EVI5: variants seen among roughly 807,000 people sequenced by gnomAD.
EVI5 encodes ecotropic viral integration site 5 protein homolog.
Under a neutral mutation model 112.0 loss-of-function variants are expected in EVI5, and 73 were observed. The observed-to-expected ratio is 0.65, with a 90% CI of 0.54 to 0.79. The LOEUF (loss-of-function observed/expected upper bound fraction) is 0.79. Ranked by LOEUF, EVI5 falls within the 30% of genes least tolerant of loss-of-function variation. The probability of loss-of-function intolerance (pLI) is 0.00; values close to 1 mark genes in which losing one functional copy is unlikely to be tolerated. For missense variants in EVI5, 900 were observed against 968.8 expected (o/e 0.93, Z 0.94); for synonymous variants, 305 against 319.9 (o/e 0.95, Z 0.50).
chr1:92,514,111 T>C (rs1659491497), intron 19 of EVI5, 141 bp from the exon 20 acceptor site: 1 of 456,022 alleles, frequency 2.2e-6, no homozygotes, highest in Non-Finnish European at 3.7e-6. Context: ...AATTTTTGAG[T>C]GCCTTCTATG....
chr1:92,695,311 T>G lies in EVI5; in HGVS notation c.908A>C (p.Glu303Ala), dbSNP rs1670134078. The G allele has an allele frequency of 6.2e-7, 1 of 1,606,944 alleles. No homozygotes were observed. Among genetic ancestry groups the G allele is most frequent in the Non-Finnish European group, 8.5e-7 (1 of 1,176,662 alleles). Residue 303 changes from glutamate to alanine, a missense_variant and splice_region_variant, in exon 7 of 20, where the codon GAG (glutamate) becomes GCG (alanine). Glu to Ala is a moderately radical substitution (Grantham distance 107). Coordinates refer to ENST00000684568, the MANE Select transcript of EVI5 (RefSeq NM_001350197.2). ...CTCTTTGTCTGCCCATTAGCTTACC[T>G]CAGACATAAAGATATCAAATATCCT... ...ATRIFDIFMS[E>A]GLEIVFRVGL...
intron 19 of EVI5, among the ~76,000 whole-genome samples, chr1:92,545,042 A>G (rs1665449554): frequency 1.3e-5 from 2 of 152,226 alleles, no homozygotes; most frequent in Non-Finnish European, 2.9e-5. Context: ...GATATGGTTC[A>G]TAAGAAGCAC....
At chr1:92,548,807 T>C (rs1485725934) in intron 19 of EVI5, among the ~76,000 whole-genome samples, 1 of 152,110 alleles carries the variant, frequency 6.6e-6, no homozygotes, top group East Asian at 1.9e-4. Context: ...AAGGACCTCT[T>C]CAAGGAGAAC....
chr1:92,695,408 G>C lies in EVI5; in HGVS notation c.811C>G (p.His271Asp). ...CAGGATGATGCATACATTGAGGTAT[G>C]AAAACTCTGAGATTGAAAATGTACA... ...LFVHFQSQSF[H>D]TSMYASSWFL... Residue 271 changes from histidine (H) to aspartate (D), a missense_variant, in exon 7 of 20, where the codon CAT becomes GAT. His to Asp is a moderately conservative substitution (Grantham distance 81). Transcript: ENST00000684568. The C allele has an allele frequency of 6.2e-7, 1 of 1,608,024 alleles. No individual in the cohort carries two copies. The highest frequency in any genetic ancestry group is 2.2e-5 in the East Asian group (1 of 44,822).
intron 3 of EVI5, 105 bp downstream of exon 3, chr1:92,704,450 T>C: frequency 1.6e-6 from 1 of 643,170 alleles, no homozygotes; most frequent in Non-Finnish European, 2.6e-6. Context: ...CTCTTTAATA[T>C]ATAGCTTGGA....
At chr1:92,547,199 C>T (rs1026025463) in intron 19 of EVI5, among the ~76,000 whole-genome samples, 2 of 152,156 alleles carry the variant, frequency 1.3e-5, no homozygotes. Flanking sequence ...GAAACTCACT[C>T]AAAACTGATC....
upstream of EVI5, among the ~76,000 whole-genome samples, chr1:92,786,251 A>G (rs1414600822): frequency 4.6e-5 from 7 of 152,092 alleles, 1 homozygote; most frequent in South Asian, 1.2e-3. Context: ...AAAAAAAAAA[A>G]AAACCTTACT....
At chr1:92,663,852 G>A (rs1055371019) in intron 11 of EVI5, among the ~76,000 whole-genome samples, 1 of 152,140 alleles carries the variant, frequency 6.6e-6, no homozygotes, top group African/African-American at 2.4e-5. Context: ...CAAGGAGTTG[G>A]TCCTTCTGCT....
intron 1 of EVI5, chr1:92,749,244 T>C (rs1679819443): frequency 5.7e-6 from 2 of 349,886 alleles, no homozygotes; most frequent in East Asian, 1.2e-4. Context: ...GCTTCCTGGG[T>C]GTTTTACCAC....
intron 1 of EVI5, among the ~76,000 whole-genome samples, chr1:92,777,784 T>G (rs146941662): frequency 6.6e-6 from 1 of 152,288 alleles, no homozygotes; most frequent in African/African-American, 2.4e-5. Flanking sequence ...AAGAAAGTTG[T>G]GTTATTGTTG....
intron 19 of EVI5, among the ~76,000 whole-genome samples, chr1:92,547,984 C>G (rs1239699412): frequency 6.8e-6 from 1 of 146,988 alleles, no homozygotes; most frequent in African/African-American, 2.5e-5. Flanking sequence ...GGAATCCTCC[C>G]TAACTCATTT....
chr1:92,520,142 C>T (rs1460906822), intron 19 of EVI5, among the ~76,000 whole-genome samples: 2 of 152,042 alleles, frequency 1.3e-5, no homozygotes, highest in East Asian at 3.9e-4. Context: ...ATGCAAAACC[C>T]ATTGAATTTT....
At chr1:92,748,033 G>C (rs1024071561) in intron 1 of EVI5, among the ~76,000 whole-genome samples, 1 of 151,952 alleles carries the variant, frequency 6.6e-6, no homozygotes, top group Non-Finnish European at 1.5e-5. Context: ...GAGGTACAAG[G>C]GTACTGTGAT....
intron 13 of EVI5, among the ~76,000 whole-genome samples, chr1:92,653,959 TG>T (rs1318781411): frequency 3.3e-5 from 5 of 152,026 alleles, no homozygotes; most frequent in African/African-American, 1.2e-4. Flanking sequence ...GCTATGGAAC[TG>T]GGGTGGCTCC....
At chr1:92,535,675 T>C (rs1222662473) in intron 19 of EVI5, among the ~76,000 whole-genome samples, 1 of 151,830 alleles carries the variant, frequency 6.6e-6, no homozygotes, top group Non-Finnish European at 1.5e-5. Context: ...AACCAAACAC[T>C]GCATGTTCTC....
intron 19 of EVI5, among the ~76,000 whole-genome samples, chr1:92,533,959 G>T (rs904958831): frequency 5.3e-5 from 8 of 152,138 alleles, no homozygotes; most frequent in Non-Finnish European, 1.2e-4. Context: ...GAAATAAAGG[G>T]TATTCAATTA....
At chr1:92,544,565 A>C (rs2100665639) in intron 19 of EVI5, among the ~76,000 whole-genome samples, 1 of 152,306 alleles carries the variant, frequency 6.6e-6, no homozygotes, top group South Asian at 2.1e-4. Flanking sequence ...TAAAATTTAA[A>C]ATGAAGTTGT....
intron 9 of EVI5, among the ~76,000 whole-genome samples, chr1:92,679,148 C>T (rs921458367): frequency 9.2e-5 from 14 of 152,150 alleles, no homozygotes; most frequent in Non-Finnish European, 2.9e-5. Context: ...GTGAATTGTG[C>T]ATGCTGGGGA....
intron 13 of EVI5, among the ~76,000 whole-genome samples, chr1:92,653,291 C>T (rs1237142801): frequency 1.3e-5 from 2 of 152,154 alleles, no homozygotes; most frequent in African/African-American, 2.4e-5. Context: ...CAGGGTTCCT[C>T]GGCAACTGCT....
Sources: gnomAD v4.1 joint callset for allele counts (sites outside exome capture counted in the v4.1 genomes callset) on GRCh38, gnomAD v4.1.1 for gene constraint, MANE v1.5 for transcripts, NCBI Gene and HGNC (gene_info 2026-07-23, HGNC 2026-07-21) for gene names.